The following IL1RAPL2 variants were observed in gnomAD, a reference collection of about 807,000 sequenced individuals.
The protein encoded by IL1RAPL2 is X-linked interleukin-1 receptor accessory protein-like 2.
In IL1RAPL2, 3 loss-of-function variants were observed where a neutral mutation model predicts 44.1. The observed-to-expected ratio is 0.07, with a 90% CI of 0.03 to 0.18. The LOEUF (loss-of-function observed/expected upper bound fraction) is 0.18, where lower values mean the gene tolerates loss of function less well. IL1RAPL2 is among the 10% of genes least tolerant of loss of function. The pLI is 1.00. For synonymous variants in IL1RAPL2, 181 were observed against 178.8 expected, an observed-to-expected ratio of 1.01 and a Z score of -0.10; for missense variants, 391 against 496.4, an observed-to-expected ratio of 0.79 and a Z score of 2.02.
intron 6 of IL1RAPL2, among the ~76,000 whole-genome samples, chrX:105,510,870 G>A (rs756678146): frequency 3.6e-5 from 4 of 111,630 alleles, no homozygotes; most frequent in East Asian, 5.7e-4. Flanking sequence ...GACTTGTGAC[G>A]TACAGAACTG....
intron 2 of IL1RAPL2, chrX:104,803,889 G>T (rs908355274): frequency 8.9e-6 from 1 of 112,057 alleles, no homozygotes; most frequent in Non-Finnish European, 1.9e-5. Context: ...TTTGTAGGCT[G>T]CAGTGAGTGC....
rs1186923421 is a variant in IL1RAPL2 at position 104,736,149 on chromosome X, T to C, written c.82+77154T>C. On this transcript the variant is annotated intron_variant, in intron 2 of 10. Transcript: ENST00000372582. ...ACTCAATCCAAACCTCTCTGGTCCA[T>C]GAAGCCTTTCTTGGCTAGATCAACC... Among the ~76,000 whole-genome samples the C allele has an allele frequency of 7.1e-5, 8 of 112,032 alleles. No homozygotes were observed. The East Asian group carries it at 2.0e-3, about 28-fold the overall frequency.
At chrX:104,946,684 C>T (rs1175121790) in intron 2 of IL1RAPL2, among the ~76,000 whole-genome samples, 1 of 100,789 alleles carries the variant, frequency 9.9e-6, no homozygotes, top group Admixed American at 1.1e-4. Flanking sequence ...TTAGTTCTTG[C>T]AATAGTTTAC....
intron 5 of IL1RAPL2, among the ~76,000 whole-genome samples, chrX:105,351,102 T>C (rs1358044245): frequency 9.0e-6 from 1 of 111,554 alleles, no homozygotes; most frequent in East Asian, 2.8e-4. Context: ...AGAATGGTCA[T>C]CATTAAAAAG....
chrX:104,998,791 T>TCAA (rs2030796232), intron 2 of IL1RAPL2, among the ~76,000 whole-genome samples: 1 of 109,458 alleles, frequency 9.1e-6, no homozygotes, highest in African/African-American at 3.3e-5. Context: ...GAGAAAATAC[T>TCAA]AGAGTATTTT....
intron 2 of IL1RAPL2, among the ~76,000 whole-genome samples, chrX:104,781,332 T>C (rs1196194026): frequency 8.9e-6 from 1 of 111,985 alleles, no homozygotes; most frequent in Non-Finnish European, 1.9e-5. Flanking sequence ...GCTAGTGATA[T>C]GGAAGCTAAG....
intron 2 of IL1RAPL2, among the ~76,000 whole-genome samples, chrX:105,192,441 C>A (rs182867875): frequency 4.5e-5 from 5 of 111,553 alleles, no homozygotes; most frequent in African/African-American, 1.3e-4. Context: ...TAGTTGCTTC[C>A]CTAGTCCCAA....
chrX:105,336,900 G>A (rs1369584525), intron 5 of IL1RAPL2, among the ~76,000 whole-genome samples: 3 of 111,666 alleles, frequency 2.7e-5, no homozygotes, highest in African/African-American at 6.5e-5. Context: ...CATCTCTGAT[G>A]CCTTTTTTCC....
At chrX:104,693,803 T>C (rs185350427) in intron 2 of IL1RAPL2, among the ~76,000 whole-genome samples, 106 of 111,780 alleles carry the variant, frequency 9.5e-4, no homozygotes, top group Admixed American at 2.9e-3. Flanking sequence ...GGGAATCATT[T>C]CTGGATTTAG....
chrX:105,151,840 C>T (rs1362939363), intron 2 of IL1RAPL2, among the ~76,000 whole-genome samples: 1 of 111,056 alleles, frequency 9.0e-6, no homozygotes, highest in Non-Finnish European at 1.9e-5. Context: ...GAAATAATGA[C>T]ATTTGCAGCA....
chrX:105,242,059 A>T (rs2034175109), intron 4 of IL1RAPL2, among the ~76,000 whole-genome samples: 1 of 111,937 alleles, frequency 8.9e-6, no homozygotes, highest in Non-Finnish European at 1.9e-5. Context: ...AGGACAACAG[A>T]CTGAAGTGCA....
chrX:105,347,646 G>T (rs1365634426), intron 5 of IL1RAPL2, among the ~76,000 whole-genome samples: 3 of 110,118 alleles, frequency 2.7e-5, no homozygotes, highest in East Asian at 5.7e-4. Context: ...CCTGGTTACG[G>T]TTGGTCATAG....
At chrX:104,587,809 G>A (rs910466999) in intron 1 of IL1RAPL2, among the ~76,000 whole-genome samples, 1 of 111,818 alleles carries the variant, frequency 8.9e-6, no homozygotes, top group South Asian at 3.8e-4. Flanking sequence ...TTTACCATGT[G>A]GGAAGATCAC....
intron 2 of IL1RAPL2, among the ~76,000 whole-genome samples, chrX:105,180,563 A>G (rs1471994628): frequency 9.0e-6 from 1 of 111,346 alleles, no homozygotes; most frequent in Non-Finnish European, 1.9e-5. Context: ...GTTGAGTTTT[A>G]TCAAATGCTT....
intron 2 of IL1RAPL2, among the ~76,000 whole-genome samples, chrX:104,939,849 GT>G (rs941806487): frequency 1.8e-5 from 2 of 111,395 alleles, no homozygotes; most frequent in African/African-American, 6.5e-5. Flanking sequence ...AACCTACACC[GT>G]ATATTATCTG....
At chrX:105,068,688 C>T (rs2032168350) in intron 2 of IL1RAPL2, among the ~76,000 whole-genome samples, 1 of 111,588 alleles carries the variant, frequency 9.0e-6, no homozygotes, top group Admixed American at 9.6e-5. Context: ...TGTCGGGTAG[C>T]ATCATGCTCA....
intron 2 of IL1RAPL2, among the ~76,000 whole-genome samples, chrX:104,797,231 C>T (rs920130098): frequency 2.2e-4 from 18 of 82,147 alleles, no homozygotes; most frequent in African/African-American, 9.0e-4. Flanking sequence ...GACAGAATTA[C>T]AGTATGTCTG....
chrX:105,020,754 GC>G (rs1237253704), intron 2 of IL1RAPL2, among the ~76,000 whole-genome samples: 1 of 111,096 alleles, frequency 9.0e-6, no homozygotes, highest in African/African-American at 3.3e-5. Flanking sequence ...AGATGCCCCA[GC>G]ATTGTCTAGT....
chrX:104,968,223 G>A (rs774438578), intron 2 of IL1RAPL2, among the ~76,000 whole-genome samples: 6 of 111,657 alleles, frequency 5.4e-5, no homozygotes, highest in Non-Finnish European at 1.9e-5. Context: ...TCTAAGGTTT[G>A]CTGAACATTA....
Sources: allele counts gnomAD v4.1 joint callset (sites outside exome capture counted in the v4.1 genomes callset), GRCh38; gene constraint gnomAD v4.1.1; transcripts MANE v1.5; gene names NCBI Gene and HGNC (gene_info 2026-07-23, HGNC 2026-07-21).